FAM227B: variants seen among roughly 807,000 people sequenced by gnomAD.
FAM227B encodes the protein family with sequence similarity 227 member B.
Under a neutral mutation model 73.8 loss-of-function variants are expected in FAM227B, and 88 were observed. The ratio of observed to expected loss-of-function variants is 1.19; its 90% CI spans 1.00 to 1.42. FAM227B has a LOEUF of 1.42. Ranked by LOEUF, FAM227B falls within the 40% of genes most tolerant of loss-of-function variation. The pLI is 0.00. For missense variants in FAM227B, 632 were observed against 590.9 expected (o/e 1.07, Z -0.72); for synonymous variants, 210 against 190.5 (o/e 1.10, Z -0.84).
chr15:49,453,464 T>C (rs1183342494), intron 11 of FAM227B, among the ~76,000 whole-genome samples: 1 of 152,088 alleles, frequency 6.6e-6, no homozygotes, highest in South Asian at 2.1e-4. Flanking sequence ...TCCTTCAAAA[T>C]CCAATGCATG....
At chr15:49,456,909 C>G (rs1486744157) in intron 11 of FAM227B, among the ~76,000 whole-genome samples, 6 of 152,082 alleles carry the variant, frequency 3.9e-5, no homozygotes, top group Non-Finnish European at 8.8e-5. Flanking sequence ...CATTACAATT[C>G]AATCCAATTT....
At chr15:49,464,548 A>T (rs1279325762) in intron 11 of FAM227B, among the ~76,000 whole-genome samples, 1 of 152,198 alleles carries the variant, frequency 6.6e-6, no homozygotes, top group Non-Finnish European at 1.5e-5. Flanking sequence ...GTAGGCAAAA[A>T]ACTGGCAGAT....
chr15:49,487,745 T>A (rs906700929), intron 11 of FAM227B: 1 of 151,942 alleles, frequency 6.6e-6, no homozygotes, highest in African/African-American at 2.4e-5. Flanking sequence ...GACGGAACAT[T>A]TCTTTTCTCT....
At chr15:49,471,041 A>G (rs2054694459) in intron 11 of FAM227B, among the ~76,000 whole-genome samples, 1 of 152,180 alleles carries the variant, frequency 6.6e-6, no homozygotes, top group African/African-American at 2.4e-5. Context: ...AGTAGATGTG[A>G]AAGTGAAAAG....
At chr15:49,591,639 C>A (rs764934760) in intron 3 of FAM227B, among the ~76,000 whole-genome samples, 8 of 151,866 alleles carry the variant, frequency 5.3e-5, no homozygotes, top group Non-Finnish European at 1.2e-4. Flanking sequence ...GCACGTGCCA[C>A]CATGCCCAAC....
chr15:49,514,116 T>A (rs920778027), intron 10 of FAM227B, among the ~76,000 whole-genome samples: 3 of 152,188 alleles, frequency 2.0e-5, no homozygotes, highest in Admixed American at 2.0e-4. Context: ...TAAAGTAGTT[T>A]TTGCTAATTC....
At chr15:49,461,013 T>C (rs932643022) in intron 11 of FAM227B, among the ~76,000 whole-genome samples, 8 of 152,230 alleles carry the variant, frequency 5.3e-5, no homozygotes, top group Non-Finnish European at 1.2e-4. Flanking sequence ...ATTCATCTTG[T>C]GGGGCCAGCC....
intron 11 of FAM227B, among the ~76,000 whole-genome samples, chr15:49,378,734 A>AC: frequency 6.6e-6 from 1 of 152,050 alleles, no homozygotes; most frequent in Non-Finnish European, 1.5e-5. Flanking sequence ...TATAAGATAA[A>AC]CTCATCTGCA....
intron 3 of FAM227B, among the ~76,000 whole-genome samples, 187 bp from the exon 4 acceptor site, chr15:49,590,194 T>A (rs1763927929): frequency 1.3e-5 from 2 of 152,216 alleles, no homozygotes; most frequent in Non-Finnish European, 2.9e-5. Flanking sequence ...ACTATTTTCC[T>A]GAATCATTTG....
At chr15:49,397,009 C>T (rs902763032) in intron 11 of FAM227B, among the ~76,000 whole-genome samples, 1 of 152,190 alleles carries the variant, frequency 6.6e-6, no homozygotes, top group African/African-American at 2.4e-5. Flanking sequence ...ATGATTTTGA[C>T]GAGCTGAGAG....
chr15:49,332,199 G>A (rs1052758588), intron 14 of FAM227B, among the ~76,000 whole-genome samples: 4 of 152,152 alleles, frequency 2.6e-5, no homozygotes, highest in Non-Finnish European at 4.4e-5. Flanking sequence ...CACCCACTGT[G>A]TGGTTCTCAT....
chr15:49,474,058 CTTT>C (rs1473520258), intron 11 of FAM227B, among the ~76,000 whole-genome samples: 1 of 151,954 alleles, frequency 6.6e-6, no homozygotes, highest in African/African-American at 2.4e-5. Context: ...GATAGGCGAA[CTTT>C]TTATTATATT....
chr15:49,589,328 T>C (rs2076383918), intron 4 of FAM227B, among the ~76,000 whole-genome samples: 1 of 152,096 alleles, frequency 6.6e-6, no homozygotes, highest in African/African-American at 2.4e-5. Flanking sequence ...AATCTTGCTC[T>C]CCTGTTTTCC....
At chr15:49,394,094 C>A (rs773050595) in intron 11 of FAM227B, among the ~76,000 whole-genome samples, 3 of 152,128 alleles carry the variant, frequency 2.0e-5, no homozygotes, top group Non-Finnish European at 4.4e-5. Flanking sequence ...TCTGTGGAAT[C>A]ACCTTTGAGT....
chr15:49,507,415 T>C (rs981991325), intron 11 of FAM227B, among the ~76,000 whole-genome samples: 1 of 152,130 alleles, frequency 6.6e-6, no homozygotes, highest in African/African-American at 2.4e-5. Context: ...CATTAGTGGT[T>C]TGTAACATTG....
At chr15:49,605,349 C>A (rs1207569299) in intron 3 of FAM227B, among the ~76,000 whole-genome samples, 1 of 152,162 alleles carries the variant, frequency 6.6e-6, no homozygotes, top group African/African-American at 2.4e-5. Context: ...TCTGGGTTCC[C>A]TTAGGTGGTA....
At chr15:49,564,062 T>G (rs1049454691) in intron 9 of FAM227B, among the ~76,000 whole-genome samples, 1 of 152,090 alleles carries the variant, frequency 6.6e-6, no homozygotes, top group African/African-American at 2.4e-5. Flanking sequence ...ACCTACAGAA[T>G]AGGAGAAAAT....
At chr15:49,404,659 G>C (rs1331045980) in intron 11 of FAM227B, among the ~76,000 whole-genome samples, 2 of 151,448 alleles carry the variant, frequency 1.3e-5, no homozygotes. Flanking sequence ...GGGTGTCATT[G>C]CATGTGAGAT....
At chr15:49,598,666 C>CT (rs2077019595) in intron 3 of FAM227B, among the ~76,000 whole-genome samples, 1 of 151,852 alleles carries the variant, frequency 6.6e-6, no homozygotes, top group African/African-American at 2.4e-5. Flanking sequence ...TGAAGCAATG[C>CT]TAAATTTTGT....
Sources: allele counts gnomAD v4.1 joint callset (sites outside exome capture counted in the v4.1 genomes callset), GRCh38; gene constraint gnomAD v4.1.1; transcripts MANE v1.5; gene names NCBI Gene and HGNC (gene_info 2026-07-23, HGNC 2026-07-21).